Variants in RBFOX1 observed in about 807,000 individuals in gnomAD.
RBFOX1 encodes the protein RNA binding fox-1 homolog 1, also known as RNA binding protein fox-1 homolog 1.
A neutral mutation model predicts 57.7 loss-of-function variants in RBFOX1; 8 were observed. That is an observed-to-expected ratio of 0.14 (90% CI 0.08 to 0.25). RBFOX1 has a LOEUF of 0.25. Ranked by LOEUF, RBFOX1 falls within the 10% of genes least tolerant of loss-of-function variation. RBFOX1 has a pLI of 1.00. For synonymous variants in RBFOX1, 326 were observed against 222.4 expected, an observed-to-expected ratio of 1.47 and a Z score of -4.15; for missense variants, 611 against 548.5, an observed-to-expected ratio of 1.11 and a Z score of -1.14.
At chr16:6,227,154 G>C (rs913204354) in intron 1 of RBFOX1, among the ~76,000 whole-genome samples, 2 of 151,818 alleles carry the variant, frequency 1.3e-5, no homozygotes, top group South Asian at 4.2e-4. Flanking sequence ...TATTATTACT[G>C]CCTCATATAT....
chr16:7,156,031 G>T (rs545833404), intron 4 of RBFOX1, among the ~76,000 whole-genome samples: 2 of 150,976 alleles, frequency 1.3e-5, no homozygotes, highest in Non-Finnish European at 1.5e-5. Context: ...ATACACACAC[G>T]CACACAGGTA....
In RBFOX1 at chr16:6,386,795, C is replaced by G. The variant is rs553591246; in HGVS notation, c.-64+69738C>G. ...ATTCTCTGGGGATCTACTATTTCAG[C>G]AGAAATATAAAGAATTATTCATGAG... On this transcript the variant is annotated intron_variant, in intron 2 of 15. Coordinates refer to ENST00000550418, the MANE Select transcript of RBFOX1 (RefSeq NM_018723.4). Among the ~76,000 whole-genome samples, 25 of 152,050 alleles carry G rather than the reference C, an allele frequency of 1.6e-4. No individual in the cohort carries two copies. The South Asian group carries it at 4.1e-3, about 25-fold the overall frequency.
chr16:6,557,048 T>C (rs925921809), intron 2 of RBFOX1, among the ~76,000 whole-genome samples: 9 of 121,180 alleles, frequency 7.4e-5, no homozygotes, highest in African/African-American at 4.2e-4. Context: ...TATATATACA[T>C]ATATATACAT....
At chr16:7,276,063 G>A (rs2095434347) in intron 4 of RBFOX1, among the ~76,000 whole-genome samples, 1 of 152,142 alleles carries the variant, frequency 6.6e-6, no homozygotes. Flanking sequence ...AGGCAATAAA[G>A]AAACTCCTAA....
Position 5,805,319 on chromosome 16 carries a change from G to A in RBFOX1, c.319-61984G>A, listed in dbSNP as rs565535011. Reference sequence around the variant, plus strand: ...TCCATAAGCACTGATTTACCAACTCGTGTGTCACAAATATAAATTAGCATC... The same window carrying A: ...TCCATAAGCACTGATTTACCAACTCATGTGTCACAAATATAAATTAGCATC... On this transcript the variant is annotated intron_variant, in intron 3 of 19. Coordinates refer to the RBFOX1 transcript ENST00000641259. 1.1e-4 allele frequency among the ~76,000 whole-genome samples: 17 copies of A among 152,278 alleles called. No homozygotes were observed. The Middle Eastern group carries it at 0.014, about 122-fold the overall frequency.
intron 3 of RBFOX1, among the ~76,000 whole-genome samples, chr16:6,906,826 A>G (rs199612060): frequency 6.6e-6 from 1 of 151,542 alleles, no homozygotes; most frequent in African/African-American, 2.4e-5. Flanking sequence ...GGGTTCAAGC[A>G]ATTCTCCTGC....
intron 14 of RBFOX1, among the ~76,000 whole-genome samples, chr16:7,705,767 G>C (rs970065211): frequency 6.6e-6 from 1 of 152,150 alleles, no homozygotes; most frequent in Non-Finnish European, 1.5e-5. Flanking sequence ...AATGAGACAA[G>C]ATTTATGGCT....
chr16:7,334,000 C>T (rs1002071752), intron 4 of RBFOX1, among the ~76,000 whole-genome samples: 15 of 152,090 alleles, frequency 9.9e-5, no homozygotes, highest in African/African-American at 3.1e-4. Context: ...TATTTAGGTA[C>T]GTCCTTTCAC....
At chr16:6,819,722 AAAAAAAAAATAAC>A (rs1603628676) in intron 3 of RBFOX1, among the ~76,000 whole-genome samples, 3 of 144,706 alleles carry the variant, frequency 2.1e-5, no homozygotes, top group Admixed American at 1.4e-4. Context: ...AAAAAAAAAA[AAAAAAAAAATAAC>A]AACACCAAAA....
intron 1 of RBFOX1, among the ~76,000 whole-genome samples, chr16:6,154,317 A>G (rs549181429): frequency 2.0e-5 from 3 of 152,344 alleles, no homozygotes; most frequent in African/African-American, 7.2e-5. Flanking sequence ...GCACCAAGTT[A>G]GTATAAAGAT....
At position 6,584,182 on chromosome 16, in the gene RBFOX1, A is replaced by G. The variant is rs963793845; in HGVS notation, c.-63-70421A>G. On this transcript the variant is annotated intron_variant, in intron 2 of 15. Coordinates refer to ENST00000550418, the MANE Select transcript of RBFOX1 (RefSeq NM_018723.4). The stretch of plus-strand genomic sequence containing the variant: ...CATTGTCCCTGCTGTAATTACATCT[A>G]TTTTCTCAGTAAAACAAAGGGAAGT... Among the ~76,000 whole-genome samples, 5 of 151,528 alleles carry G rather than the reference A, an allele frequency of 3.3e-5. No individual in the cohort carries two copies. In the East Asian group the frequency reaches 7.7e-4, roughly 23 times the overall value.
chr16:7,161,588 A>T (rs902714821), intron 4 of RBFOX1, among the ~76,000 whole-genome samples: 1 of 152,126 alleles, frequency 6.6e-6, no homozygotes. Flanking sequence ...ACCTACTAAG[A>T]ATCAGATTTA....
intron 3 of RBFOX1, among the ~76,000 whole-genome samples, chr16:5,778,925 A>G (rs911782348): frequency 2.0e-5 from 3 of 152,182 alleles, no homozygotes; most frequent in Non-Finnish European, 4.4e-5. Flanking sequence ...TGTGTCTGGC[A>G]TATAAAGCAC....
At chr16:6,699,720 C>A (rs1413432052) in intron 3 of RBFOX1, among the ~76,000 whole-genome samples, 1 of 152,126 alleles carries the variant, frequency 6.6e-6, no homozygotes, top group Non-Finnish European at 1.5e-5. Flanking sequence ...AATGAATGAT[C>A]AGGCATGGCC....
chr16:7,006,690 G>A (rs1338056089), intron 3 of RBFOX1, among the ~76,000 whole-genome samples: 4 of 152,218 alleles, frequency 2.6e-5, no homozygotes, highest in South Asian at 2.1e-4. Context: ...TCAAGTGATC[G>A]TCCTTCCTTG....
intron 1 of RBFOX1, among the ~76,000 whole-genome samples, chr16:5,333,680 G>C (rs558027662): frequency 5.3e-5 from 8 of 152,310 alleles, no homozygotes; most frequent in African/African-American, 1.7e-4. Context: ...GTCAATGTAA[G>C]AACATCACAG....
At chr16:5,851,861 G>A (rs1371614948) in intron 3 of RBFOX1, among the ~76,000 whole-genome samples, 1 of 152,174 alleles carries the variant, frequency 6.6e-6, no homozygotes, top group East Asian at 1.9e-4. Context: ...AAGGAAGGAC[G>A]ATGTCTTGGC....
intron 2 of RBFOX1, among the ~76,000 whole-genome samples, chr16:6,444,703 A>G (rs544610202): frequency 6.6e-6 from 1 of 152,232 alleles, no homozygotes; most frequent in East Asian, 1.9e-4. Context: ...AGGCACAATA[A>G]GAAGAAAAGG....
At chr16:5,971,269 G>C (rs890864533) in intron 4 of RBFOX1, among the ~76,000 whole-genome samples, 12 of 152,336 alleles carry the variant, frequency 7.9e-5, no homozygotes, top group African/African-American at 2.9e-4. Flanking sequence ...AGCCAAATCA[G>C]TTTAGGCTCC....
Sources: allele counts gnomAD v4.1 joint callset (sites outside exome capture counted in the v4.1 genomes callset), GRCh38; gene constraint gnomAD v4.1.1; transcripts MANE v1.5; gene names NCBI Gene and HGNC (gene_info 2026-07-23, HGNC 2026-07-21).